Variants in SERPINA4 observed in about 807,000 individuals in gnomAD.
SERPINA4 encodes the protein kallistatin.
Under a neutral mutation model 25.4 loss-of-function variants are expected in SERPINA4, and 24 were observed. The ratio of observed to expected loss-of-function variants is 0.95; its 90% CI spans 0.69 to 1.33. The LOEUF (loss-of-function observed/expected upper bound fraction) is 1.33, where lower values mean the gene tolerates loss of function less well. Ranked by LOEUF, SERPINA4 falls within the 40% of genes most tolerant of loss-of-function variation. The pLI is 0.00. For synonymous variants in SERPINA4, 242 were observed against 223.6 expected, an observed-to-expected ratio of 1.08 and a Z score of -0.73; for missense variants, 553 against 535.8, an observed-to-expected ratio of 1.03 and a Z score of -0.32.
In SERPINA4 at chr14:94,563,856, T is replaced by C; in HGVS notation, c.374T>C (p.Leu125Pro). The change falls in exon 2 of 5, where the codon CTG becomes CCG. Residue 125 changes from leucine (L) to proline (P), a missense_variant. By Grantham distance (98) the Leu-to-Pro change is moderately conservative. Coordinates refer to ENST00000557004, the MANE Select transcript of SERPINA4 (RefSeq NM_006215.4). ...SDVHRGFQHLLHTLNLPGHGL... is the reference protein window; with the variant it reads ...SDVHRGFQHLPHTLNLPGHGL... ...GTCCATAGGGGCTTCCAGCACCTCCTGCACACTCTCAACCTCCCCGGCCAT... is the reference window on the plus strand; with the variant it reads ...GTCCATAGGGGCTTCCAGCACCTCCCGCACACTCTCAACCTCCCCGGCCAT... 1 of 1,614,172 alleles carries C rather than the reference T, an allele frequency of 6.2e-7. No homozygotes were observed. The highest frequency in any genetic ancestry group is 8.5e-7 in the Non-Finnish European group (1 of 1,180,038).
At position 94,568,035 on chromosome 14, in the gene SERPINA4, G is replaced by A. The variant is rs1902275056; in HGVS notation, c.924-94G>A. ...GTGGGGACAGAACTCAGATGGAATA[G>A]AGCCAGCTAGAGAGGGCCACCAAGG... is the stretch of plus-strand genomic sequence containing the variant. On this transcript the variant is annotated intron_variant, in intron 3 of 4. Coordinates refer to ENST00000557004, the MANE Select transcript of SERPINA4 (RefSeq NM_006215.4). 4 of 1,276,486 alleles carry A rather than the reference G, an allele frequency of 3.1e-6. No homozygotes were observed. The South Asian group carries it at 5.3e-5, about 17-fold the overall frequency. The allele number at this position is 1,276,486 out of a possible 1,614,324, so 79.1% of individuals were successfully genotyped here. A position where few individuals can be genotyped will look rare whatever the true frequency, so the allele number is the denominator to read the frequency against.
Position 94,566,957 on chromosome 14 carries a change from A to T in SERPINA4, c.650-13A>T. 6.2e-7 allele frequency: 1 copy of T among 1,606,470 alleles called. No individual in the cohort carries two copies. ...TGCAGATGTCCTGTACCTTCTTTTC[A>T]TCTTCCCTTCAGCCCTGTGGGAGAA... is the stretch of plus-strand genomic sequence containing the variant. On this transcript the variant is annotated splice_polypyrimidine_tract_variant and intron_variant, in intron 2 of 4. Transcript: ENST00000557004.
intron 3 of SERPINA4, among the ~76,000 whole-genome samples, chr14:94,567,863 T>C (rs1027133282): frequency 3.3e-5 from 5 of 152,200 alleles, no homozygotes; most frequent in Non-Finnish European, 5.9e-5. Flanking sequence ...TACATCTGTC[T>C]CCCTGGGCAC....
chr14:94,569,020 G>A (rs1490211733), intron 4 of SERPINA4, among the ~76,000 whole-genome samples: 5 of 152,156 alleles, frequency 3.3e-5, no homozygotes, highest in Non-Finnish European at 5.9e-5. Context: ...AGAGCCTTGG[G>A]TTCAAGCTTG....
rs1238296398 is a variant in SERPINA4, at chr14:94,568,295, C to T, written c.1083+7C>T. 5.6e-6 allele frequency: 9 copies of T among 1,613,962 alleles called. No individual in the cohort carries two copies. Among genetic ancestry groups the T allele is most frequent in the Admixed American group, 1.7e-5 (1 of 60,000 alleles). On this transcript the variant is annotated splice_region_variant and intron_variant, in intron 4 of 4. Coordinates refer to ENST00000557004, the MANE Select transcript of SERPINA4 (RefSeq NM_006215.4). ...AAAACTGGAGGCATCCAAAGTAAGT[C>T]GTCAACAGTCAGCAATCCCTAGAGA...
chr14:94,561,507 C>CCT lies in SERPINA4; in HGVS notation c.-18+13_-18+14insCT. The CCT allele has an allele frequency of 6.1e-6, 3 of 492,730 alleles. No homozygotes were observed. The highest frequency in any genetic ancestry group is 6.6e-6 in the Non-Finnish European group (2 of 305,322). 30.5% of individuals were successfully genotyped at this position (492,730 alleles called of 1,614,324 possible). ...GACAGACTGTGCCGTGAGTAACCCC[C>CCT]TGAGACAATGGAGACGAGAGACTCT... On this transcript the variant is annotated intron_variant, in intron 1 of 4. Transcript: ENST00000557004.
In SERPINA4 at chr14:94,567,232, G is replaced by T. The variant is rs772158328; in HGVS notation, c.912G>T (p.Leu304Phe). The T allele has an allele frequency of 6.2e-7, 1 of 1,613,408 alleles. No homozygotes were observed. The highest frequency in any genetic ancestry group is 8.5e-7 in the Non-Finnish European group (1 of 1,179,762). The change falls in exon 3 of 5, where the codon TTG becomes TTT. Residue 304 changes from leucine to phenylalanine, a missense_variant. By Grantham distance (22) the Leu-to-Phe change is conservative. Transcript: ENST00000557004. ...AGATGCTAATGAGGTGGAACAACTTGTTGCGGAAGAGGTAATCAGTGTGCT... is the reference window on the plus strand; with the variant it reads ...AGATGCTAATGAGGTGGAACAACTTTTTGCGGAAGAGGTAATCAGTGTGCT... ...TPEMLMRWNNLLRKRNFYKKL... is the reference protein window; with the variant it reads ...TPEMLMRWNNFLRKRNFYKKL...
intron 1 of SERPINA4, among the ~76,000 whole-genome samples, chr14:94,562,807 G>A (rs941908772): frequency 4.6e-5 from 7 of 152,058 alleles, no homozygotes; most frequent in Non-Finnish European, 7.3e-5. Flanking sequence ...ATTATGAAAC[G>A]GGTACCAATT....
chr14:94,561,536 G>A (rs1902024841), intron 1 of SERPINA4, 42 bp downstream of exon 1: 1 of 649,218 alleles, frequency 1.5e-6, no homozygotes, highest in South Asian at 1.8e-5. Flanking sequence ...AGACTCTAGA[G>A]GGAGGGTGAC....
intron 1 of SERPINA4, among the ~76,000 whole-genome samples, chr14:94,562,174 C>A (rs537059524): frequency 6.6e-6 from 1 of 151,034 alleles, no homozygotes; most frequent in South Asian, 2.1e-4. Context: ...AACACAGCCA[C>A]GCCTCTTCAT....
chr14:94,563,400 A>C, intron 1 of SERPINA4, 66 bp from the exon 2 acceptor site: 1 of 1,504,522 alleles, frequency 6.6e-7, no homozygotes, highest in Non-Finnish European at 8.9e-7. Context: ...GCCCACTGCC[A>C]GCCTTCTCAG....
Position 94,563,626 on chromosome 14 carries a change from C to T in SERPINA4, c.144C>T (p.Ser48=). 6.2e-7 allele frequency: 1 copy of T among 1,613,892 alleles called. No homozygotes were observed. Among genetic ancestry groups the T allele is most frequent in the Non-Finnish European group, 8.5e-7 (1 of 1,180,038 alleles). ...TGGAGACAGGTGAGGGCTCCCCCAG[C>T]CTCAAGATAGCCCCTGCCAATGCTG... ...QILETGEGSP[S]LKIAPANADF... The change falls in exon 2 of 5, where the codon AGC becomes AGT. Residue 48 remains serine (S), a synonymous_variant. Coordinates refer to ENST00000557004, the MANE Select transcript of SERPINA4 (RefSeq NM_006215.4).
chr14:94,565,893 T>TA (rs569489687), intron 2 of SERPINA4, among the ~76,000 whole-genome samples: 10 of 150,744 alleles, frequency 6.6e-5, no homozygotes, highest in African/African-American at 2.0e-4. Context: ...TTTTAAACTT[T>TA]AAAAAAAAAA....
rs1215069928 is a variant in SERPINA4 at position 94,569,802 on chromosome 14, T to C, written c.*207T>C. On this transcript the variant is annotated 3_prime_UTR_variant, in exon 5 of 5. Coordinates refer to ENST00000557004, the MANE Select transcript of SERPINA4 (RefSeq NM_006215.4). ...CCACACCCTGGTGCTGTGCAGCCTCTGGCAGAGCATCCGACCTCTTGGAGC... is the reference window on the plus strand; with the variant it reads ...CCACACCCTGGTGCTGTGCAGCCTCCGGCAGAGCATCCGACCTCTTGGAGC... 1 of 599,432 alleles carries C rather than the reference T, an allele frequency of 1.7e-6. No homozygotes were observed. The highest frequency in any genetic ancestry group is 2.9e-6 in the Non-Finnish European group (1 of 339,576). The allele number at this position is 599,432 out of a possible 1,614,324, so 37.1% of individuals were successfully genotyped here. A position where few individuals can be genotyped will look rare whatever the true frequency, so the allele number is the denominator to read the frequency against.
chr14:94,562,465 G>A lies in SERPINA4; in HGVS notation c.-18+971G>A, dbSNP rs201802664. Among the ~76,000 whole-genome samples the A allele has an allele frequency of 2.0e-4, 31 of 152,208 alleles. No homozygotes were observed. The East Asian group carries it at 5.8e-3, about 28-fold the overall frequency. ...GCATGCCTGTAGTTCCAGCTACTTG[G>A]AAGGGTGCATGCCTGTAGTTCCAGC... On this transcript the variant is annotated intron_variant, in intron 1 of 4. Coordinates refer to ENST00000557004, the MANE Select transcript of SERPINA4 (RefSeq NM_006215.4).
rs769316706 is a variant in SERPINA4, at chr14:94,569,396, G to T, written c.1085G>T (p.Ser362Ile). 3 of 1,613,518 alleles carry T rather than the reference G, an allele frequency of 1.9e-6. No homozygotes were observed. The Admixed American group carries it at 5.0e-5, about 27-fold the overall frequency. ...TAATGCTTGTGATTTTCCTCCCAGA[G>T]TTTCCACAAGGCCACCTTGGACGTG... is the stretch of plus-strand genomic sequence containing the variant. ...TKQQKLEASK[S>I]FHKATLDVDE... Residue 362 changes from serine (S) to isoleucine (I), a missense_variant and splice_region_variant, in exon 5 of 5, where the codon AGT (serine) becomes ATT (isoleucine). Ser to Ile is a moderately radical substitution (Grantham distance 142). Coordinates refer to ENST00000557004, the MANE Select transcript of SERPINA4 (RefSeq NM_006215.4).
intron 2 of SERPINA4, among the ~76,000 whole-genome samples, chr14:94,564,684 G>A (rs1902147164): frequency 2.0e-5 from 3 of 152,190 alleles, no homozygotes; most frequent in Admixed American, 2.0e-4. Context: ...TACAATGGCA[G>A]GTTGATTCAT....
In SERPINA4 at chr14:94,567,170, G is replaced by A; in HGVS notation, c.850G>A (p.Gly284Ser). Residue 284 changes from glycine (G) to serine (S), a missense_variant, in exon 3 of 5, where the codon GGC becomes AGC. By Grantham distance (56) the Gly-to-Ser change is moderately conservative. Transcript: ENST00000557004. ...ATVFFILPNQ[G>S]KMREIEEVLT... ...CGTGTTTTTCATTCTCCCTAACCAA[G>A]GCAAAATGAGGGAGATTGAAGAGGT... is the stretch of plus-strand genomic sequence containing the variant. 1 of 1,614,160 alleles carries A rather than the reference G, an allele frequency of 6.2e-7. No individual in the cohort carries two copies. The highest frequency in any genetic ancestry group is 8.5e-7 in the Non-Finnish European group (1 of 1,180,038).
intron 2 of SERPINA4, among the ~76,000 whole-genome samples, chr14:94,565,338 G>A (rs554171257): frequency 6.6e-6 from 1 of 152,286 alleles, no homozygotes; most frequent in East Asian, 1.9e-4. Context: ...AGCACACAGA[G>A]CACTGCTGAG....
Sources: allele counts gnomAD v4.1 joint callset (sites outside exome capture counted in the v4.1 genomes callset), GRCh38; gene constraint gnomAD v4.1.1; transcripts MANE v1.5; gene names NCBI Gene and HGNC (gene_info 2026-07-23, HGNC 2026-07-21).